SPATA1: variants seen among roughly 807,000 people sequenced by gnomAD.
SPATA1 encodes spermatogenesis-associated protein 1.
Under a neutral mutation model 59.6 loss-of-function variants are expected in SPATA1, and 57 were observed. The observed-to-expected ratio is 0.96, with a 90% CI of 0.77 to 1.19. The LOEUF (loss-of-function observed/expected upper bound fraction) is 1.19. Ranked by LOEUF, SPATA1 falls within the 50% of genes most tolerant of loss-of-function variation. The pLI, the probability that SPATA1 is intolerant of heterozygous loss-of-function variation, is 0.00. For synonymous variants in SPATA1, 147 were observed against 163.9 expected (o/e 0.90, Z 0.79); for missense variants, 448 against 480.7 (o/e 0.93, Z 0.64).
intron 4 of SPATA1, among the ~76,000 whole-genome samples, chr1:84,562,537 CT>C (rs1684614642): frequency 6.6e-6 from 1 of 152,078 alleles, no homozygotes; most frequent in Admixed American, 6.6e-5. Flanking sequence ...TTTAGTACTC[CT>C]TTTAAAGTAA....
downstream of SPATA1, among the ~76,000 whole-genome samples, chr1:84,559,127 C>G (rs1440983179): frequency 1.3e-5 from 2 of 152,164 alleles, no homozygotes; most frequent in East Asian, 1.9e-4. Flanking sequence ...TATGGCAACT[C>G]TATTGAACAA....
chr1:84,553,101 A>G, exon 13 of SPATA1: 2 of 1,519,454 alleles, frequency 1.3e-6, no homozygotes, highest in Non-Finnish European at 1.8e-6. Flanking sequence ...AAAAAAAATA[A>G]TACATCTCTA....
intron 1 of SPATA1, among the ~76,000 whole-genome samples, chr1:84,508,061 C>G (rs1433811223): frequency 6.6e-6 from 1 of 152,102 alleles, no homozygotes; most frequent in Non-Finnish European, 1.5e-5. Context: ...GCGAGCAGAT[C>G]ACGAGGTCAA....
At chr1:84,558,968 A>G (rs1482937731), downstream of SPATA1, among the ~76,000 whole-genome samples, 1 of 152,200 alleles carries the variant, frequency 6.6e-6, no homozygotes, top group Admixed American at 6.5e-5. Context: ...CAGATTACTA[A>G]GGTCAGGATT....
At chr1:84,511,055 A>G (rs1682518381) in intron 1 of SPATA1, among the ~76,000 whole-genome samples, 1 of 152,240 alleles carries the variant, frequency 6.6e-6, no homozygotes, top group South Asian at 2.1e-4. Context: ...GTACAGAAAT[A>G]TAAGTTAGAT....
chr1:84,564,956 T>A (rs1209345525), intron 4 of SPATA1, among the ~76,000 whole-genome samples: 1 of 152,074 alleles, frequency 6.6e-6, no homozygotes, highest in Non-Finnish European at 1.5e-5. Flanking sequence ...GGGGGATCAC[T>A]TAAGCCCAGG....
intron 6 of SPATA1, among the ~76,000 whole-genome samples, chr1:84,530,022 A>G (rs370505954): frequency 3.0e-4 from 46 of 151,976 alleles, no homozygotes; most frequent in East Asian, 2.7e-3. Flanking sequence ...ATGCCCGGCT[A>G]ATTTTTTTGT....
chr1:84,554,653 A>G, downstream of SPATA1: 1 of 181,566 alleles, frequency 5.5e-6, no homozygotes, highest in Non-Finnish European at 1.2e-5. Context: ...CAGATTATAC[A>G]TATTTTAAAA....
chr1:84,556,386 C>T (rs1447440600), downstream of SPATA1, among the ~76,000 whole-genome samples: 1 of 152,112 alleles, frequency 6.6e-6, no homozygotes, highest in Non-Finnish European at 1.5e-5. Flanking sequence ...ATATTTACAG[C>T]AGCACTCCTG....
At chr1:84,548,204 A>G (rs1684152497) in intron 10 of SPATA1, among the ~76,000 whole-genome samples, 1 of 152,068 alleles carries the variant, frequency 6.6e-6, no homozygotes, top group South Asian at 2.1e-4. Context: ...TTTTGTTTCT[A>G]TGATAATCTA....
At chr1:84,535,699 ATTAG>A (rs1683649893) in intron 8 of SPATA1, among the ~76,000 whole-genome samples, 1 of 151,998 alleles carries the variant, frequency 6.6e-6, no homozygotes, top group African/African-American at 2.4e-5. Flanking sequence ...GCTAAATTCA[ATTAG>A]TTCTATCAGG....
chr1:84,563,809 T>G, intron 4 of SPATA1: 1 of 1,607,574 alleles, frequency 6.2e-7, no homozygotes, highest in Admixed American at 1.7e-5. Context: ...GGATTAATGC[T>G]CATCTTGATG....
intron 6 of SPATA1, among the ~76,000 whole-genome samples, chr1:84,530,338 C>G (rs759136044): frequency 6.6e-6 from 1 of 152,026 alleles, no homozygotes; most frequent in African/African-American, 2.4e-5. Flanking sequence ...GGGGTTAGTT[C>G]AGTAATTTTT....
chr1:84,551,685 C>T (rs1321686594), intron 12 of SPATA1: 1 of 151,978 alleles, frequency 6.6e-6, no homozygotes, highest in Non-Finnish European at 1.5e-5. Context: ...AAGCTTAAAA[C>T]TTAAAATAGA....
chr1:84,527,152 C>G (rs1384771188), intron 6 of SPATA1, among the ~76,000 whole-genome samples: 1 of 152,078 alleles, frequency 6.6e-6, no homozygotes, highest in Non-Finnish European at 1.5e-5. Context: ...TTAAGAACTA[C>G]TATATTCTAC....
chr1:84,520,618 G>A (rs573509238), exon 3 of SPATA1: 2 of 1,572,946 alleles, frequency 1.3e-6, no homozygotes, highest in Admixed American at 1.9e-5. Flanking sequence ...TGTCCCTGAA[G>A]GATCATGGAA....
downstream of SPATA1, among the ~76,000 whole-genome samples, chr1:84,559,467 A>G (rs1204147339): frequency 6.6e-6 from 1 of 152,208 alleles, no homozygotes; most frequent in South Asian, 2.1e-4. Context: ...CTAAAAATAC[A>G]AAAAATTAGC....
exon 13 of SPATA1, chr1:84,553,624 T>A (rs1252644518): frequency 6.6e-6 from 1 of 152,220 alleles, no homozygotes; most frequent in African/African-American, 2.4e-5. Context: ...GAATTTAAAT[T>A]TTTTAATTCA....
intron 3 of SPATA1, among the ~76,000 whole-genome samples, chr1:84,521,620 T>C (rs1325754476): frequency 6.6e-6 from 1 of 152,172 alleles, no homozygotes; most frequent in Non-Finnish European, 1.5e-5. Flanking sequence ...ATACAGTCCC[T>C]TTCTCCCTTC....
Sources: gnomAD v4.1 joint callset for allele counts (sites outside exome capture counted in the v4.1 genomes callset) on GRCh38, gnomAD v4.1.1 for gene constraint, MANE v1.5 for transcripts, NCBI Gene and HGNC (gene_info 2026-07-23, HGNC 2026-07-21) for gene names.